The following PARK7 variants were observed in gnomAD, a reference collection of about 807,000 sequenced individuals.
PARK7 encodes Parkinsonism associated deglycase.
Under a neutral mutation model 20.5 loss-of-function variants are expected in PARK7, and 14 were observed. The observed-to-expected ratio is 0.68, with a 90% CI of 0.45 to 1.07. The LOEUF is 1.07. PARK7 is among the 50% of genes least tolerant of loss of function. The pLI, the probability that PARK7 is intolerant of heterozygous loss-of-function variation, is 0.00. For missense variants in PARK7, 234 were observed against 238.1 expected (o/e 0.98, Z 0.11); for synonymous variants, 98 against 84.3 (o/e 1.16, Z -0.89).
intron 2 of PARK7, among the ~76,000 whole-genome samples, chr1:7,964,020 G>A (rs906675895): frequency 7.2e-5 from 11 of 151,956 alleles, no homozygotes; most frequent in African/African-American, 1.5e-4. Context: ...TCACCATCTT[G>A]GCCAGGCTGG....
rs1282906371 is a variant in PARK7, at chr1:7,979,895, G to A, written c.409+2157G>A. Among the ~76,000 whole-genome samples the A allele has an allele frequency of 1.1e-4, 16 of 152,138 alleles. 1 individual carries two copies. Among genetic ancestry groups the A allele is most frequent in the Admixed American group, 9.8e-4 (15 of 15,268 alleles). Reference sequence around the variant, plus strand: ...CTTTTTGCTGGATGCAGTGACTCACGCCTGTAATCCCAGCACTTGGGGAGG... The same window carrying A: ...CTTTTTGCTGGATGCAGTGACTCACACCTGTAATCCCAGCACTTGGGGAGG... On this transcript the variant is annotated intron_variant, in intron 6 of 6. Transcript: ENST00000338639.
At chr1:7,974,444 A>G (rs770703122) in intron 5 of PARK7, among the ~76,000 whole-genome samples, 1 of 151,996 alleles carries the variant, frequency 6.6e-6, no homozygotes, top group African/African-American at 2.4e-5. Flanking sequence ...CCTGGCTAAC[A>G]CGGTGAAACC....
chr1:7,962,546 C>A (rs987945357), intron 1 of PARK7, among the ~76,000 whole-genome samples: 2 of 152,082 alleles, frequency 1.3e-5, no homozygotes, highest in Non-Finnish European at 2.9e-5. Context: ...CCTTTTAGCA[C>A]CCTCATTATG....
chr1:7,981,962 C>A (rs1307073601), intron 6 of PARK7, among the ~76,000 whole-genome samples: 1 of 144,896 alleles, frequency 6.9e-6, no homozygotes, highest in Non-Finnish European at 1.5e-5. Flanking sequence ...CCAGCCCCCC[C>A]GCCTTTTTTT....
Position 7,969,843 on chromosome 1 carries a change from G to A in PARK7, c.252+439G>A, listed in dbSNP as rs551379735. Reference sequence around the variant, plus strand: ...TCCGCCCACCTCGGCCTCCCAAAGTGCTGGAATTATAGGCGTGAGCCACCA... The same window carrying A: ...TCCGCCCACCTCGGCCTCCCAAAGTACTGGAATTATAGGCGTGAGCCACCA... On this transcript the variant is annotated intron_variant, in intron 4 of 6. Transcript: ENST00000338639. 1.2e-4 allele frequency among the ~76,000 whole-genome samples: 18 copies of A among 152,244 alleles called. No individual in the cohort carries two copies. In the South Asian group the frequency reaches 3.3e-3, roughly 28 times the overall value.
chr1:7,970,962 A>G lies in PARK7; in HGVS notation c.321A>G (p.Ala107=). The G allele has an allele frequency of 6.2e-7, 1 of 1,614,170 alleles. No individual in the cohort carries two copies. Among genetic ancestry groups the G allele is most frequent in the Non-Finnish European group, 8.5e-7 (1 of 1,180,020 alleles). The change falls in exon 5 of 7, where the codon GCA becomes GCG. Residue 107 remains alanine, a splice_region_variant and synonymous_variant. Coordinates refer to ENST00000338639, the MANE Select transcript of PARK7 (RefSeq NM_007262.5). ...NRKGLIAAIC[A]GPTALLAHEI... ...AGGGCCTGATAGCCGCCATCTGTGC[A>G]GGTGACGTGCAGGGGCAGCCTGTGT...
At chr1:7,975,501 A>T (rs1229969129) in intron 5 of PARK7, among the ~76,000 whole-genome samples, 1 of 152,192 alleles carries the variant, frequency 6.6e-6, no homozygotes, top group Non-Finnish European at 1.5e-5. Flanking sequence ...CGCCCTCTGC[A>T]CTGTAGTGCA....
chr1:7,969,450 G>GAA lies in PARK7; in HGVS notation c.252+50_252+51dup, dbSNP rs371300988. On this transcript the variant is annotated intron_variant, in intron 4 of 6. Transcript: ENST00000338639. ...ATACCTCAATAAAGCTGGGGGGGGG[G>GAA]AAAAACTAAAGAATTTCAGCATCTG... is the stretch of plus-strand genomic sequence containing the variant. 782 of 740,500 alleles carry GAA rather than the reference G, an allele frequency of 1.1e-3. 6 individuals are homozygous for GAA. The highest frequency in any genetic ancestry group is 0.01 in the African/African-American group (670 of 65,138). The allele number at this position is 740,500 out of a possible 1,614,324, so 45.9% of individuals were successfully genotyped here.
At chr1:7,970,827 T>TA in intron 4 of PARK7, 67 bp from the exon 5 acceptor site, 1 of 1,498,878 alleles carries the variant, frequency 6.7e-7, no homozygotes, top group Admixed American at 1.7e-5. Flanking sequence ...CTTCCAAAGT[T>TA]TCCTAGTGAG....
At chr1:7,963,021 G>C in intron 2 of PARK7, 146 bp downstream of exon 2, 2 of 719,630 alleles carry the variant, frequency 2.8e-6, no homozygotes, top group Admixed American at 4.2e-5. Flanking sequence ...AATACCTGTT[G>C]ATCCACTGCT....
At position 7,962,875 on chromosome 1, in the gene PARK7, G is replaced by A; in HGVS notation, c.90G>A (p.Gly30=). 1 of 1,611,660 alleles carries A rather than the reference G, an allele frequency of 6.2e-7. No homozygotes were observed. Residue 30 remains glycine, a splice_region_variant and synonymous_variant, in exon 2 of 7, where the codon GGG becomes GGA. Coordinates refer to ENST00000338639, the MANE Select transcript of PARK7 (RefSeq NM_007262.5). The part of the protein sequence containing the change: ...VIPVDVMRRA[G]IKVTVAGLAG... ...CTGTAGATGTCATGAGGCGAGCTGG[G>A]GTAAGTCCCACATCGATTTTTAGCC...
At chr1:7,983,963 T>G (rs1452412956) in intron 6 of PARK7, among the ~76,000 whole-genome samples, 1 of 152,182 alleles carries the variant, frequency 6.6e-6, no homozygotes, top group Non-Finnish European at 1.5e-5. Flanking sequence ...TGTGATAGAT[T>G]GTATCAATGC....
chr1:7,985,175 T>G lies in PARK7; in HGVS notation c.*121T>G. ...TCAGAAGTCGCTGTCCTTACTACTTTTGCGGAAGTATGGAAGTCACAACTA... is the reference window on the plus strand; with the variant it reads ...TCAGAAGTCGCTGTCCTTACTACTTGTGCGGAAGTATGGAAGTCACAACTA... On this transcript the variant is annotated 3_prime_UTR_variant, in exon 7 of 7. Coordinates refer to ENST00000338639, the MANE Select transcript of PARK7 (RefSeq NM_007262.5). The G allele has an allele frequency of 7.3e-7, 1 of 1,363,956 alleles. No individual in the cohort carries two copies. Among genetic ancestry groups the G allele is most frequent in the Non-Finnish European group, 1.0e-6 (1 of 990,602 alleles). 84.5% of individuals were successfully genotyped at this position (1,363,956 alleles called of 1,614,324 possible).
chr1:7,963,437 G>A (rs905368063), intron 2 of PARK7, among the ~76,000 whole-genome samples: 1 of 148,682 alleles, frequency 6.7e-6, no homozygotes, highest in Non-Finnish European at 1.5e-5. Flanking sequence ...AGCCTGGAAC[G>A]CAGTGGTGTG....
chr1:7,972,183 C>G (rs1260028019), intron 5 of PARK7, among the ~76,000 whole-genome samples: 3 of 152,096 alleles, frequency 2.0e-5, no homozygotes, highest in Non-Finnish European at 4.4e-5. Context: ...ACTGAGGGGC[C>G]AGGTGTGGTG....
intron 4 of PARK7, 38 bp downstream of exon 4, chr1:7,969,442 G>C (rs752484354): frequency 2.0e-6 from 2 of 993,310 alleles, no homozygotes; most frequent in South Asian, 1.3e-5. Flanking sequence ...AATAAAGCTG[G>C]GGGGGGGGAA....
intron 6 of PARK7, among the ~76,000 whole-genome samples, chr1:7,978,587 T>C (rs1640637117): frequency 6.6e-6 from 1 of 151,492 alleles, no homozygotes; most frequent in Non-Finnish European, 1.5e-5. Flanking sequence ...CTTCCGCCTG[T>C]AATCCCAGTA....
intron 4 of PARK7, among the ~76,000 whole-genome samples, chr1:7,970,394 G>A (rs1050446474): frequency 6.6e-6 from 1 of 152,200 alleles, no homozygotes; most frequent in Non-Finnish European, 1.5e-5. Flanking sequence ...AGGGCTGCCA[G>A]CAGGAATGGC....
Position 7,971,032 on chromosome 1 carries a change from G to C in PARK7, c.322+69G>C, listed in dbSNP as rs376818566. ...GGGGTAGCCTTTCATTCGATGGTTT[G>C]ATTCCAAATAGCTCTTCCCCTTCAT... On this transcript the variant is annotated intron_variant, in intron 5 of 6. Transcript: ENST00000338639. 18 of 1,504,446 alleles carry C rather than the reference G, an allele frequency of 1.2e-5. No homozygotes were observed. In the South Asian group the frequency reaches 1.5e-4, roughly 12 times the overall value. The allele number at this position is 1,504,446 out of a possible 1,614,324, so 93.2% of individuals were successfully genotyped here. A position where few individuals can be genotyped will look rare whatever the true frequency, so the allele number is the denominator to read the frequency against.
Sources: allele counts gnomAD v4.1 joint callset (sites outside exome capture counted in the v4.1 genomes callset), GRCh38; gene constraint gnomAD v4.1.1; transcripts MANE v1.5; gene names NCBI Gene and HGNC (gene_info 2026-07-23, HGNC 2026-07-21).